LDLRAD4: variants seen among roughly 807,000 people sequenced by gnomAD.
LDLRAD4 encodes low-density lipoprotein receptor class A domain-containing protein 4.
In LDLRAD4, 5 loss-of-function variants were observed where a neutral mutation model predicts 17.0. The ratio of observed to expected loss-of-function variants is 0.29; its 90% confidence interval spans 0.15 to 0.62. The LOEUF (loss-of-function observed/expected upper bound fraction) is 0.62. LDLRAD4 is among the 20% of genes least tolerant of loss of function. LDLRAD4 has a pLI of 0.84. For missense variants in LDLRAD4, 340 were observed against 424.7 expected (o/e 0.80, Z 1.75); for synonymous variants, 168 against 171.8 (o/e 0.98, Z 0.17).
intron 2 of LDLRAD4, among the ~76,000 whole-genome samples, chr18:13,427,226 GAAAGA>G (rs149201637): frequency 0.025 from 3,826 of 152,010 alleles, 190 homozygotes; most frequent in East Asian, 0.23. Flanking sequence ...AAAACAAAAG[GAAAGA>G]AAAGAAAAGA....
intron 3 of LDLRAD4, among the ~76,000 whole-genome samples, chr18:13,446,409 G>A (rs2091408432): frequency 6.6e-6 from 1 of 152,176 alleles, no homozygotes; most frequent in East Asian, 1.9e-4. Context: ...ACCGTCTTCT[G>A]TTCAGAAGGG....
intron 1 of LDLRAD4, among the ~76,000 whole-genome samples, chr18:13,271,163 G>A (rs922972623): frequency 2.6e-5 from 4 of 152,040 alleles, no homozygotes; most frequent in Non-Finnish European, 4.4e-5. Flanking sequence ...TGGGAAATAG[G>A]GTGTCATGAT....
At chr18:13,597,409 T>C in intron 3 of LDLRAD4, among the ~76,000 whole-genome samples, 3 of 152,304 alleles carry the variant, frequency 2.0e-5, no homozygotes, top group Non-Finnish European at 4.4e-5. Context: ...TTTATCCTAT[T>C]TGGAGTTTGT....
chr18:13,493,044 A>G (rs536007506), intron 3 of LDLRAD4, among the ~76,000 whole-genome samples: 144 of 152,274 alleles, frequency 9.5e-4, no homozygotes, highest in African/African-American at 3.4e-3. Flanking sequence ...ACTTGAAACC[A>G]GGAGATTGAG....
chr18:13,392,283 G>T (rs539018209), intron 2 of LDLRAD4, among the ~76,000 whole-genome samples: 15 of 152,224 alleles, frequency 9.9e-5, no homozygotes, highest in African/African-American at 3.4e-4. Flanking sequence ...TGCAGCATGC[G>T]GCTCTAAAGG....
chr18:13,476,417 G>C (rs1230711980), intron 3 of LDLRAD4, among the ~76,000 whole-genome samples: 2 of 152,046 alleles, frequency 1.3e-5, no homozygotes, highest in African/African-American at 4.8e-5. Flanking sequence ...TTGAGTCCAG[G>C]AGTTTGAGAC....
At chr18:13,425,966 G>A (rs1336515606) in intron 2 of LDLRAD4, 2 of 153,058 alleles carry the variant, frequency 1.3e-5, no homozygotes, top group African/African-American at 4.8e-5. Flanking sequence ...CCGAGGGCAG[G>A]ACGGTGGACC....
chr18:13,309,810 C>G (rs566094236), intron 1 of LDLRAD4, among the ~76,000 whole-genome samples: 21 of 152,180 alleles, frequency 1.4e-4, no homozygotes, highest in Non-Finnish European at 2.4e-4. Flanking sequence ...CTCACAGACA[C>G]TGGGTGTCTT....
intron 1 of LDLRAD4, among the ~76,000 whole-genome samples, chr18:13,314,773 G>A (rs2080839719): frequency 6.6e-6 from 1 of 152,226 alleles, no homozygotes; most frequent in South Asian, 2.1e-4. Context: ...GAGTGTAAGA[G>A]ACCGAGATCC....
chr18:13,225,465 G>A (rs1033676862), intron 1 of LDLRAD4, among the ~76,000 whole-genome samples: 1 of 152,194 alleles, frequency 6.6e-6, no homozygotes, highest in Non-Finnish European at 1.5e-5. Context: ...GGGCTAGCCC[G>A]GCATGGGGCT....
At chr18:13,452,247 G>A (rs1274310615) in intron 3 of LDLRAD4, among the ~76,000 whole-genome samples, 1 of 152,136 alleles carries the variant, frequency 6.6e-6, no homozygotes, top group East Asian at 1.9e-4. Flanking sequence ...AGTGTGCCCG[G>A]CACAGCAGGG....
intron 3 of LDLRAD4, among the ~76,000 whole-genome samples, chr18:13,446,532 C>T (rs1461200145): frequency 6.6e-6 from 1 of 152,216 alleles, no homozygotes; most frequent in Non-Finnish European, 1.5e-5. Flanking sequence ...TGTCAGGGAT[C>T]ATTGATTCTG....
At chr18:13,354,392 A>G (rs1486725896) in intron 1 of LDLRAD4, among the ~76,000 whole-genome samples, 1 of 152,202 alleles carries the variant, frequency 6.6e-6, no homozygotes, top group Non-Finnish European at 1.5e-5. Flanking sequence ...TTGAAATGGT[A>G]AGATTTTGGG....
intron 3 of LDLRAD4, among the ~76,000 whole-genome samples, chr18:13,600,070 G>T (rs1011292809): frequency 6.6e-6 from 1 of 152,152 alleles, no homozygotes; most frequent in African/African-American, 2.4e-5. Flanking sequence ...TCTTGCCTTA[G>T]CCTCCCAGGT....
chr18:13,274,723 A>T (rs73419313), upstream of LDLRAD4, among the ~76,000 whole-genome samples: 2 of 152,202 alleles, frequency 1.3e-5, no homozygotes, highest in Non-Finnish European at 2.9e-5. Context: ...AATATTTTCA[A>T]ATATCACTGT....
At chr18:13,290,810 A>G (rs1208696207) in intron 1 of LDLRAD4, among the ~76,000 whole-genome samples, 2 of 152,232 alleles carry the variant, frequency 1.3e-5, no homozygotes, top group African/African-American at 4.8e-5. Context: ...GTTCATTTAT[A>G]CCAGACTTTG....
intron 1 of LDLRAD4, among the ~76,000 whole-genome samples, chr18:13,308,315 C>A (rs1020507662): frequency 1.5e-4 from 23 of 152,302 alleles, no homozygotes; most frequent in African/African-American, 5.5e-4. Flanking sequence ...TATTGATGAA[C>A]CTTTGACTTA....
intron 3 of LDLRAD4, among the ~76,000 whole-genome samples, chr18:13,606,027 T>G (rs529963211): frequency 2.6e-5 from 4 of 152,322 alleles, no homozygotes; most frequent in African/African-American, 9.6e-5. Context: ...GACCACACTC[T>G]GAGGAGCGAG....
At position 13,512,698 on chromosome 18, in the gene LDLRAD4, C is replaced by T. The variant is rs554484137; in HGVS notation, c.181+74314C>T. ...TTAGAGATTGATTTTTCCAGGTATTCTGCCTCCTCCCTCCTCTAACTCTAA... is the reference window on the plus strand; with the variant it reads ...TTAGAGATTGATTTTTCCAGGTATTTTGCCTCCTCCCTCCTCTAACTCTAA... On this transcript the variant is annotated intron_variant, in intron 3 of 5. Coordinates refer to ENST00000359446, the Ensembl canonical transcript of LDLRAD4. Among the ~76,000 whole-genome samples the T allele has an allele frequency of 3.3e-5, 5 of 152,294 alleles. No homozygotes were observed. The South Asian group carries it at 1.0e-3, about 32-fold the overall frequency.
Sources: gnomAD v4.1 joint callset for allele counts (sites outside exome capture counted in the v4.1 genomes callset) on GRCh38, gnomAD v4.1.1 for gene constraint, MANE v1.5 for transcripts, NCBI Gene and HGNC (gene_info 2026-07-23, HGNC 2026-07-21) for gene names.